Variants in TMEM108 observed in about 807,000 individuals in gnomAD.
TMEM108 encodes cancer/testis antigen 124.
A neutral mutation model predicts 35.1 loss-of-function variants in TMEM108; 12 were observed. That is an observed-to-expected ratio of 0.34 (90% CI 0.22 to 0.55). The LOEUF (loss-of-function observed/expected upper bound fraction) is 0.55. Ranked by LOEUF, TMEM108 falls within the 20% of genes least tolerant of loss-of-function variation. The pLI is 0.89. For missense variants in TMEM108, 680 were observed against 753.3 expected (o/e 0.90, Z 1.14); for synonymous variants, 287 against 308.6 (o/e 0.93, Z 0.73).
At chr3:133,195,619 C>T (rs181872311) in intron 2 of TMEM108, among the ~76,000 whole-genome samples, 30 of 152,138 alleles carry the variant, frequency 2.0e-4, no homozygotes, top group African/African-American at 3.1e-4. Flanking sequence ...CTTGAGTCCG[C>T]GGGATATATT....
chr3:133,324,040 G>T (rs962831750), intron 3 of TMEM108, among the ~76,000 whole-genome samples: 2 of 152,118 alleles, frequency 1.3e-5, no homozygotes, highest in Non-Finnish European at 2.9e-5. Context: ...ATAGATCAAA[G>T]ACTTAAATCT....
At chr3:133,268,425 T>C (rs530612652) in intron 3 of TMEM108, among the ~76,000 whole-genome samples, 2 of 152,314 alleles carry the variant, frequency 1.3e-5, no homozygotes, top group East Asian at 1.9e-4. Context: ...ATCTGATTCA[T>C]GTGGACCTAA....
chr3:133,042,215 G>C (rs1943284242), intron 1 of TMEM108, among the ~76,000 whole-genome samples: 1 of 152,170 alleles, frequency 6.6e-6, no homozygotes, highest in Non-Finnish European at 1.5e-5. Context: ...CTCTGCCTGA[G>C]GTATAGGATG....
rs58513827 is a variant in TMEM108, at chr3:133,318,920, C to CAAAAAAAAA, written c.41-60829_41-60821dup. On this transcript the variant is annotated intron_variant, in intron 3 of 5. Coordinates refer to ENST00000321871, the MANE Select transcript of TMEM108 (RefSeq NM_023943.4). Reference sequence around the variant, plus strand: ...GAAGCAGCAAATTCTGCGAGATAGGCAAAAAAAAAAACTCAGGGGAAGTGT... The same window carrying CAAAAAAAAA: ...GAAGCAGCAAATTCTGCGAGATAGGCAAAAAAAAAAAAAAAAAAAACTCAGGGGAAGTGT... Among the ~76,000 whole-genome samples, 311 of 136,028 alleles carry CAAAAAAAAA rather than the reference C, an allele frequency of 2.3e-3. 5 individuals are homozygous for CAAAAAAAAA. The highest frequency in any genetic ancestry group is 8.3e-3 in the African/African-American group (294 of 35,420). The allele number at this position is 136,028 out of a possible 152,430, so 89.2% of individuals were successfully genotyped here.
At chr3:133,235,089 A>G (rs1290313994) in intron 3 of TMEM108, among the ~76,000 whole-genome samples, 1 of 152,164 alleles carries the variant, frequency 6.6e-6, no homozygotes, top group East Asian at 1.9e-4. Flanking sequence ...ACCACTGCTC[A>G]ATGAAATAAA....
At chr3:133,291,998 C>A (rs1947076345) in intron 3 of TMEM108, among the ~76,000 whole-genome samples, 1 of 152,148 alleles carries the variant, frequency 6.6e-6, no homozygotes, top group Admixed American at 6.5e-5. Context: ...CTGAATACAT[C>A]CCCTCAGGAG....
At chr3:133,080,322 C>T (rs371553393) in intron 2 of TMEM108, among the ~76,000 whole-genome samples, 7 of 152,234 alleles carry the variant, frequency 4.6e-5, no homozygotes, top group East Asian at 1.9e-4. Context: ...GAATTTCAAA[C>T]TCTTTGAGTT....
Position 133,390,224 on chromosome 3 carries a change from G to A in TMEM108, c.1495G>A (p.Ala499Thr), listed in dbSNP as rs760319960. 2.7e-5 allele frequency: 43 copies of A among 1,614,030 alleles called. No homozygotes were observed. Among genetic ancestry groups the A allele is most frequent in the Admixed American group, 1.5e-4 (9 of 59,998 alleles). Residue 499 changes from alanine to threonine, a missense_variant, in exon 5 of 6, where the codon GCC (alanine) becomes ACC (threonine). Physicochemically the swap from Ala to Thr is moderately conservative, Grantham distance 58 (BLOSUM62 0). Around this residue, in one of 3 missense-constraint regions of TMEM108, gnomAD observed 105 missense variants for 150.7 expected, o/e 0.70. Transcript: ENST00000321871. ...VCCMKRKKKTANPENNLSYWN... is the reference protein window; with the variant it reads ...VCCMKRKKKTTNPENNLSYWN... ...CTGCATGAAGAGGAAGAAGAAGACCGCCAACCCGGAGAACAACCTGAGCTA... is the reference window on the plus strand; with the variant it reads ...CTGCATGAAGAGGAAGAAGAAGACCACCAACCCGGAGAACAACCTGAGCTA...
At chr3:133,212,624 T>C (rs1945848325) in intron 2 of TMEM108, among the ~76,000 whole-genome samples, 1 of 151,980 alleles carries the variant, frequency 6.6e-6, no homozygotes, top group Non-Finnish European at 1.5e-5. Context: ...CCCAGTACTT[T>C]GGGAGGCCAA....
intron 2 of TMEM108, among the ~76,000 whole-genome samples, chr3:133,141,489 C>T (rs569342790): frequency 6.6e-6 from 1 of 152,248 alleles, no homozygotes; most frequent in South Asian, 2.1e-4. Context: ...TGGGCAAGAG[C>T]AGAAAAAGTA....
intron 2 of TMEM108, among the ~76,000 whole-genome samples, chr3:133,111,988 C>A (rs1340832553): frequency 6.6e-6 from 1 of 152,138 alleles, no homozygotes; most frequent in Non-Finnish European, 1.5e-5. Context: ...CAAGAACAAA[C>A]CCTGAGGGCT....
At chr3:133,207,401 C>G (rs1945773217) in intron 2 of TMEM108, among the ~76,000 whole-genome samples, 1 of 152,054 alleles carries the variant, frequency 6.6e-6, no homozygotes, top group Admixed American at 6.5e-5. Context: ...TCACTGGGAG[C>G]TGCAGACCAG....
intron 2 of TMEM108, among the ~76,000 whole-genome samples, chr3:133,073,190 A>T (rs1943696472): frequency 6.6e-6 from 1 of 152,084 alleles, no homozygotes; most frequent in South Asian, 2.1e-4. Flanking sequence ...TGTTGACTAT[A>T]ATCACGTTGT....
intron 3 of TMEM108, among the ~76,000 whole-genome samples, chr3:133,291,601 G>A (rs1306352219): frequency 6.6e-6 from 1 of 151,976 alleles, no homozygotes; most frequent in Non-Finnish European, 1.5e-5. Flanking sequence ...TTTTTAATGG[G>A]ACAGCAGCAA....
intron 2 of TMEM108, among the ~76,000 whole-genome samples, chr3:133,220,187 C>G (rs185745908): frequency 4.1e-4 from 62 of 151,426 alleles, no homozygotes; most frequent in South Asian, 1.5e-3. Context: ...ATTTTTCCAT[C>G]CCTTCACTTT....
intron 3 of TMEM108, among the ~76,000 whole-genome samples, chr3:133,358,918 T>C (rs60078509): frequency 0.33 from 50,312 of 152,014 alleles, 8,856 homozygotes; most frequent in East Asian, 0.48. Context: ...TGAAAACTTA[T>C]TGGGAACCTT....
At chr3:133,062,598 A>T (rs962113228) in intron 2 of TMEM108, among the ~76,000 whole-genome samples, 1 of 152,222 alleles carries the variant, frequency 6.6e-6, no homozygotes, top group South Asian at 2.1e-4. Flanking sequence ...AGTAAATCTC[A>T]TATAAAATGT....
At chr3:133,271,116 G>A (rs1322970616) in intron 3 of TMEM108, among the ~76,000 whole-genome samples, 3 of 152,116 alleles carry the variant, frequency 2.0e-5, no homozygotes, top group Non-Finnish European at 1.5e-5. Flanking sequence ...GGCCAATCTT[G>A]CCATGCCCTT....
intron 3 of TMEM108, chr3:133,246,436 T>C (rs1409857321): frequency 6.6e-6 from 1 of 151,940 alleles, no homozygotes; most frequent in Non-Finnish European, 1.5e-5. Context: ...GTGAATCCTT[T>C]TAATACCTTG....
Sources: allele counts gnomAD v4.1 joint callset (sites outside exome capture counted in the v4.1 genomes callset), GRCh38; gene constraint gnomAD v4.1.1; regional missense constraint gnomAD v4.1.1; transcripts MANE v1.5; gene names NCBI Gene and HGNC (gene_info 2026-07-23, HGNC 2026-07-21).